Variants in PDXDC1 observed in about 807,000 individuals in gnomAD.
PDXDC1 encodes the protein pyridoxal dependent decarboxylase domain containing 1, also known as pyridoxal-dependent decarboxylase domain-containing protein 1.
PDXDC1 carries 42 observed loss-of-function variants against 100.1 expected under a neutral mutation model. That is an observed-to-expected ratio of 0.42 (90% confidence interval 0.33 to 0.54). PDXDC1 has a LOEUF of 0.54. Among genes scored for constraint, PDXDC1 ranks in the 20% least tolerant of loss-of-function variants. PDXDC1 has a pLI of 0.10. For synonymous variants in PDXDC1, 260 were observed against 371.7 expected (o/e 0.70, Z 3.46); for missense variants, 636 against 979.2 (o/e 0.65, Z 4.68).
intron 4 of PDXDC1, 145 bp from the exon 5 acceptor site, chr16:15,004,042 C>G: frequency 1.2e-6 from 1 of 806,268 alleles, no homozygotes; most frequent in South Asian, 1.9e-5. Flanking sequence ...TCTCACCAAA[C>G]TATCACTACT....
At chr16:14,985,598 A>C (rs1969188465) in intron 1 of PDXDC1, among the ~76,000 whole-genome samples, 1 of 152,222 alleles carries the variant, frequency 6.6e-6, no homozygotes, top group Non-Finnish European at 1.5e-5. Context: ...CCAATTTATA[A>C]TTTTCCGTTA....
chr16:15,127,174 A>T (rs2047780846), intron 16 of PDXDC1: 1 of 386,186 alleles, frequency 2.6e-6, no homozygotes, highest in Non-Finnish European at 5.0e-6. Context: ...TGCATTTCGG[A>T]AGCGTGCACA....
intron 16 of PDXDC1, among the ~76,000 whole-genome samples, chr16:15,051,729 C>T: frequency 7.0e-6 from 1 of 143,230 alleles, no homozygotes. Context: ...GAGACAAGGC[C>T]TCACTCTGTT....
At chr16:15,137,849 A>C (rs2048399445) in intron 16 of PDXDC1, 1 of 1,347,642 alleles carries the variant, frequency 7.4e-7, no homozygotes. Context: ...CACCACCCGC[A>C]CCTGCTGCTC....
Position 15,036,190 on chromosome 16 carries a change from C to A in PDXDC1, c.2282C>A (p.Thr761Asn). 1 of 1,614,128 alleles carries A rather than the reference C, an allele frequency of 6.2e-7. No homozygotes were observed. The highest frequency in any genetic ancestry group is 8.5e-7 in the Non-Finnish European group (1 of 1,180,018). The change falls in exon 23 of 23, where the codon ACC becomes AAC. Residue 761 changes from threonine (T) to asparagine (N), a missense_variant. By Grantham distance (65) the Thr-to-Asn change is moderately conservative (BLOSUM62 0). Transcript: ENST00000396410. Reference protein sequence around the residue: ...GHPGAPSPQHTDQTEAFQKGV... With the variant: ...GHPGAPSPQHNDQTEAFQKGV... Reference sequence around the variant, plus strand: ...CCAGGGGCTCCCAGCCCTCAGCACACCGACCAGACCGAGGCCTTCCAGAAA... The same window carrying A: ...CCAGGGGCTCCCAGCCCTCAGCACAACGACCAGACCGAGGCCTTCCAGAAA...
At chr16:15,032,669 A>AAAAAAAAAAAAAAAAAGT in intron 17 of PDXDC1, 192 bp from the exon 18 acceptor site, 8 of 448,486 alleles carry the variant, frequency 1.8e-5, no homozygotes, top group East Asian at 7.5e-5. Context: ...AAAAAAAAAA[A>AAAAAAAAAAAAAAAAAGT]GGCTTTCCTG....
chr16:15,033,525 C>A, intron 19 of PDXDC1, 126 bp downstream of exon 19: 1 of 1,126,536 alleles, frequency 8.9e-7, no homozygotes, highest in Non-Finnish European at 1.3e-6. Context: ...TCAATGTTTC[C>A]TGTAAGCTGG....
At chr16:15,124,721 G>A (rs988290202) in intron 16 of PDXDC1, among the ~76,000 whole-genome samples, 2 of 151,912 alleles carry the variant, frequency 1.3e-5, no homozygotes, top group African/African-American at 4.8e-5. Flanking sequence ...GCAGTGAGCC[G>A]AGATTGCACC....
At chr16:15,132,716 C>A in intron 16 of PDXDC1, 2 of 997,024 alleles carry the variant, frequency 2.0e-6, no homozygotes, top group South Asian at 1.3e-5. Context: ...GTGGGGCCAT[C>A]CTACCATGCA....
At chr16:15,081,164 T>C (rs2045688601) in intron 16 of PDXDC1, among the ~76,000 whole-genome samples, 1 of 152,242 alleles carries the variant, frequency 6.6e-6, no homozygotes, top group Admixed American at 6.5e-5. Flanking sequence ...TTATGGATGA[T>C]GCTGCTATGA....
rs957930070 is a variant in PDXDC1 at position 15,038,049 on chromosome 16, G to A, written c.*1774G>A. Reference sequence around the variant, plus strand: ...ATGTTTTTTAACTTCCTGGAGAAGAGATCTTTTCCCACAAGCCATCTTCAT... The same window carrying A: ...ATGTTTTTTAACTTCCTGGAGAAGAAATCTTTTCCCACAAGCCATCTTCAT... On this transcript the variant is annotated 3_prime_UTR_variant, in exon 23 of 23. Transcript: ENST00000396410. 6.2e-7 allele frequency: 1 copy of A among 1,611,996 alleles called. No individual in the cohort carries two copies. The highest frequency in any genetic ancestry group is 1.3e-5 in the African/African-American group (1 of 74,816).
intron 12 of PDXDC1, among the ~76,000 whole-genome samples, chr16:15,022,171 G>C (rs945602630): frequency 6.6e-6 from 1 of 152,296 alleles, no homozygotes; most frequent in Non-Finnish European, 1.5e-5. Flanking sequence ...AGCACTTCCT[G>C]TATTGCATAT....
chr16:15,089,350 C>A (rs2046027936), intron 16 of PDXDC1, among the ~76,000 whole-genome samples: 2 of 151,998 alleles, frequency 1.3e-5, no homozygotes, highest in South Asian at 4.1e-4. Context: ...ATCTTGGCTA[C>A]AGACACAAAT....
chr16:15,024,129 C>G (rs1209887510), intron 13 of PDXDC1, among the ~76,000 whole-genome samples: 1 of 152,284 alleles, frequency 6.6e-6, no homozygotes, highest in Non-Finnish European at 1.5e-5. Flanking sequence ...CTCTGTAGGC[C>G]ACACTGGCCC....
At chr16:15,065,476 T>A (rs1356934850) in intron 16 of PDXDC1, 2 of 881,640 alleles carry the variant, frequency 2.3e-6, no homozygotes, top group African/African-American at 3.3e-5. Flanking sequence ...GAGAAATTGC[T>A]GAATATAACA....
At chr16:15,039,997 C>T (rs772493910), downstream of PDXDC1, 8 of 1,609,514 alleles carry the variant, frequency 5.0e-6, no homozygotes, top group Admixed American at 1.7e-5. Context: ...TCGCGCAGCA[C>T]GAAGCTGCTC....
At chr16:15,032,799 C>T in intron 17 of PDXDC1, 62 bp from the exon 18 acceptor site, 1 of 949,554 alleles carries the variant, frequency 1.1e-6, no homozygotes, top group South Asian at 1.3e-5. Context: ...GGTTTCTAAT[C>T]CTGTATCAGA....
At chr16:15,079,252 TG>T (rs1310018859) in intron 16 of PDXDC1, among the ~76,000 whole-genome samples, 1 of 152,188 alleles carries the variant, frequency 6.6e-6, no homozygotes, top group African/African-American at 2.4e-5. Context: ...TTCCTGACAA[TG>T]TCACTAGAAT....
At chr16:15,117,674 C>G (rs1470883824) in intron 16 of PDXDC1, among the ~76,000 whole-genome samples, 4 of 88,308 alleles carry the variant, frequency 4.5e-5, no homozygotes, top group Non-Finnish European at 6.6e-5. Context: ...GCCTGGGCAA[C>G]AGAGGGAGAC....
Sources: gnomAD v4.1 joint callset for allele counts (sites outside exome capture counted in the v4.1 genomes callset) on GRCh38, gnomAD v4.1.1 for gene constraint, MANE v1.5 for transcripts, NCBI Gene and HGNC (gene_info 2026-07-23, HGNC 2026-07-21) for gene names.